Variants in TCERG1L observed in about 807,000 individuals in gnomAD.
TCERG1L encodes the protein transcription elongation regulator 1-like protein.
TCERG1L carries 37 observed loss-of-function variants against 56.3 expected under a neutral mutation model. That is an observed-to-expected ratio of 0.66 (90% CI 0.51 to 0.87). TCERG1L has a LOEUF of 0.87. Among genes scored for constraint, TCERG1L ranks in the 40% least tolerant of loss-of-function variants. The pLI, the probability that TCERG1L is intolerant of heterozygous loss-of-function variation, is 0.00. For missense variants in TCERG1L, 799 were observed against 774.2 expected (o/e 1.03, Z -0.38); for synonymous variants, 324 against 326.3 (o/e 0.99, Z 0.08).
chr10:131,274,729 A>G (rs1326219000), intron 3 of TCERG1L, among the ~76,000 whole-genome samples: 1 of 152,082 alleles, frequency 6.6e-6, no homozygotes, highest in Non-Finnish European at 1.5e-5. Flanking sequence ...GGGAGGACCC[A>G]CCTGACCCCT....
chr10:131,201,523 G>T (rs1385435081), intron 4 of TCERG1L, among the ~76,000 whole-genome samples: 1 of 152,164 alleles, frequency 6.6e-6, no homozygotes, highest in East Asian at 1.9e-4. Context: ...ATGTAGAATT[G>T]TTGCTTTACT....
intron 3 of TCERG1L, among the ~76,000 whole-genome samples, chr10:131,277,035 T>C (rs1204426270): frequency 2.6e-5 from 4 of 152,228 alleles, no homozygotes; most frequent in South Asian, 2.1e-4. Context: ...GACGCGATCA[T>C]GCCTGTCCTT....
At chr10:131,253,224 C>A (rs767932086) in intron 4 of TCERG1L, among the ~76,000 whole-genome samples, 1 of 152,174 alleles carries the variant, frequency 6.6e-6, no homozygotes, top group Non-Finnish European at 1.5e-5. Context: ...TCTCTATAGA[C>A]GGACAGGAAT....
chr10:131,177,987 T>C (rs79498716), intron 4 of TCERG1L, among the ~76,000 whole-genome samples: 4,996 of 152,152 alleles, frequency 0.033, 126 homozygotes, highest in Non-Finnish European at 0.053. Flanking sequence ...CCTGGCATGT[T>C]GCCATTTTGA....
intron 4 of TCERG1L, among the ~76,000 whole-genome samples, chr10:131,227,999 A>C (rs1845811776): frequency 7.2e-6 from 1 of 138,890 alleles, no homozygotes; most frequent in South Asian, 2.5e-4. Flanking sequence ...CCAGCACCTG[A>C]CTTGGACTCT....
chr10:131,193,108 G>A (rs1845320795), intron 4 of TCERG1L, among the ~76,000 whole-genome samples: 1 of 152,310 alleles, frequency 6.6e-6, no homozygotes, highest in East Asian at 1.9e-4. Flanking sequence ...CTGATGACAA[G>A]TGATGTTAAG....
rs370525335 is a variant in TCERG1L, at chr10:131,260,237, C to T, written c.856+22G>A. On this transcript the variant is annotated intron_variant, in intron 4 of 11. Coordinates refer to ENST00000368642, the MANE Select transcript of TCERG1L (RefSeq NM_174937.4). This position sits in a 1 kb window ranked among gnomAD's most constrained non-coding sequence, Gnocchi z 5.8. Reference sequence around the variant, plus strand: ...CGCTCGCTAAGGCAGCACCAGGCGTCGGGACGGCGCTCCGAGCCTACCTGA... The same window carrying T: ...CGCTCGCTAAGGCAGCACCAGGCGTTGGGACGGCGCTCCGAGCCTACCTGA... 16 of 1,345,032 alleles carry T rather than the reference C, an allele frequency of 1.2e-5. No homozygotes were observed. The highest frequency in any genetic ancestry group is 3.0e-5 in the African/African-American group (2 of 66,440). The allele number at this position is 1,345,032 out of a possible 1,614,324, so 83.3% of individuals were successfully genotyped here.
chr10:131,124,668 C>A (rs536362703), intron 8 of TCERG1L, among the ~76,000 whole-genome samples: 2 of 142,336 alleles, frequency 1.4e-5, no homozygotes, highest in South Asian at 4.5e-4. Context: ...GCTGCCTGTC[C>A]GTGGATGTGC....
chr10:131,228,211 C>T (rs1216670616), intron 4 of TCERG1L, among the ~76,000 whole-genome samples: 2 of 142,452 alleles, frequency 1.4e-5, no homozygotes, highest in East Asian at 2.2e-4. Context: ...CCCCTCCAGA[C>T]AGGCATTTCC....
chr10:131,177,083 C>CACAT (rs1846169637), intron 4 of TCERG1L, among the ~76,000 whole-genome samples: 1 of 102,202 alleles, frequency 9.8e-6, no homozygotes, highest in Admixed American at 8.3e-5. Context: ...TACACACACA[C>CACAT]GTACTCACAG....
At chr10:131,253,397 T>A (rs1682293780) in intron 4 of TCERG1L, among the ~76,000 whole-genome samples, 1 of 152,066 alleles carries the variant, frequency 6.6e-6, no homozygotes, top group African/African-American at 2.4e-5. Flanking sequence ...CAGCTTTCAG[T>A]AATGGAATCG....
At chr10:131,259,570 A>G (rs1429355355) in intron 4 of TCERG1L, among the ~76,000 whole-genome samples, 4 of 152,244 alleles carry the variant, frequency 2.6e-5, no homozygotes. Flanking sequence ...CGCAGGGACA[A>G]CAGAGCTGCA....
chr10:131,182,295 A>T (rs1361496314), intron 4 of TCERG1L, among the ~76,000 whole-genome samples: 1 of 152,192 alleles, frequency 6.6e-6, no homozygotes, highest in Non-Finnish European at 1.5e-5. Flanking sequence ...GGAGGAAAAA[A>T]CGCACATTAA....
chr10:131,101,967 G>T (rs1248914062), intron 10 of TCERG1L, among the ~76,000 whole-genome samples: 1 of 152,174 alleles, frequency 6.6e-6, no homozygotes, highest in Non-Finnish European at 1.5e-5. Flanking sequence ...CTCCCAAAGG[G>T]CTGGGATTAC....
intron 4 of TCERG1L, among the ~76,000 whole-genome samples, chr10:131,215,260 G>A (rs1015173207): frequency 3.9e-5 from 6 of 152,160 alleles, no homozygotes; most frequent in Admixed American, 6.5e-5. Context: ...AATCCACGTC[G>A]CCCCACAGGG....
chr10:131,255,053 G>A (rs1398014218), intron 4 of TCERG1L, among the ~76,000 whole-genome samples: 1 of 152,210 alleles, frequency 6.6e-6, no homozygotes, highest in Non-Finnish European at 1.5e-5. Context: ...CACCAGGCTA[G>A]AGAGATCTGT....
chr10:131,246,658 C>T (rs1846042409), intron 4 of TCERG1L, among the ~76,000 whole-genome samples: 1 of 151,944 alleles, frequency 6.6e-6, no homozygotes, highest in Admixed American at 6.6e-5. Flanking sequence ...GTGGTGGGTG[C>T]CTGCCTGAGC....
intron 4 of TCERG1L, among the ~76,000 whole-genome samples, chr10:131,220,235 G>A (rs1845715430): frequency 6.6e-6 from 1 of 152,166 alleles, no homozygotes; most frequent in Non-Finnish European, 1.5e-5. Context: ...AGCCTGGAAG[G>A]GGAGACCCAC....
chr10:131,311,201 G>T lies in TCERG1L; in HGVS notation c.342+93C>A. On this transcript the variant is annotated intron_variant, in intron 1 of 11. Transcript: ENST00000368642. This position sits in a 1 kb window ranked among gnomAD's most constrained non-coding sequence, Gnocchi z 4.0. ...GGCGAGGACCGCCGGGGAGGAGGGC[G>T]CGCGAGCCGGAGGCCAGAGCCGGGC... 9.7e-7 allele frequency: 1 copy of T among 1,032,158 alleles called. No individual in the cohort carries two copies. Among genetic ancestry groups the T allele is most frequent in the Non-Finnish European group, 1.2e-6 (1 of 823,196 alleles). 63.9% of individuals were successfully genotyped at this position (1,032,158 alleles called of 1,614,324 possible).
Sources: gnomAD v4.1 joint callset for allele counts (sites outside exome capture counted in the v4.1 genomes callset) on GRCh38, gnomAD v4.1.1 for gene constraint, Gnocchi (gnomAD v3.1) non-coding constraint, MANE v1.5 for transcripts, NCBI Gene and HGNC (gene_info 2026-07-23, HGNC 2026-07-21) for gene names.